The following RARB variants were observed in gnomAD, a reference collection of about 807,000 sequenced individuals.
RARB encodes the protein retinoic acid receptor beta, also known as HBV-activated protein.
Under a neutral mutation model 51.9 loss-of-function variants are expected in RARB, and 17 were observed. The ratio of observed to expected loss-of-function variants is 0.33; its 90% confidence interval spans 0.22 to 0.49. RARB has a LOEUF of 0.49. RARB is among the 20% of genes least tolerant of loss of function. The pLI is 0.99. For missense variants in RARB, 369 were observed against 550.8 expected, an observed-to-expected ratio of 0.67 and a Z score of 3.30; for synonymous variants, 215 against 195.4, an observed-to-expected ratio of 1.10 and a Z score of -0.84.
intron 5 of RARB, among the ~76,000 whole-genome samples, chr3:25,214,092 G>C (rs928213042): frequency 1.3e-5 from 2 of 152,208 alleles, no homozygotes; most frequent in Non-Finnish European, 2.9e-5. Context: ...AGTCAGCATA[G>C]ATAGATGGGA....
At chr3:25,057,004 C>G (rs1328904698) in intron 2 of RARB, among the ~76,000 whole-genome samples, 1 of 152,054 alleles carries the variant, frequency 6.6e-6, no homozygotes, top group African/African-American at 2.4e-5. Context: ...AGTTGTATTT[C>G]ATGGTGGCAC....
In RARB at chr3:25,298,046, A is replaced by G. The variant is rs184194494; in HGVS notation, c.178+123471A>G. On this transcript the variant is annotated intron_variant, in intron 5 of 11. Coordinates refer to the RARB transcript ENST00000383772. ...GGACTTTCTTTTGTAATATAGGACAAAAGACAGCTAAGCATGTGTTCTTTC... is the reference window on the plus strand; with the variant it reads ...GGACTTTCTTTTGTAATATAGGACAGAAGACAGCTAAGCATGTGTTCTTTC... Among the ~76,000 whole-genome samples the G allele has an allele frequency of 3.3e-5, 5 of 152,326 alleles. No homozygotes were observed. In the East Asian group the frequency reaches 9.6e-4, roughly 29 times the overall value.
At chr3:25,398,182 T>C (rs923176661) in intron 5 of RARB, among the ~76,000 whole-genome samples, 1 of 152,104 alleles carries the variant, frequency 6.6e-6, no homozygotes, top group African/African-American at 2.4e-5. Context: ...AAAAGAGATG[T>C]AAACAGACAC....
At chr3:25,591,355 C>T (rs1390215500) in intron 5 of RARB, among the ~76,000 whole-genome samples, 1 of 152,148 alleles carries the variant, frequency 6.6e-6, no homozygotes, top group African/African-American at 2.4e-5. Flanking sequence ...GGCAGGCCAA[C>T]GTGAATAGTT....
At chr3:25,567,376 A>G (rs1301121895) in intron 3 of RARB, among the ~76,000 whole-genome samples, 2 of 149,878 alleles carry the variant, frequency 1.3e-5, no homozygotes, top group African/African-American at 5.0e-5. Flanking sequence ...CCTGTTCTGG[A>G]CATCCATATA....
chr3:24,929,836 A>C (rs912232170), intron 2 of RARB, among the ~76,000 whole-genome samples: 2 of 152,092 alleles, frequency 1.3e-5, no homozygotes, highest in Non-Finnish European at 2.9e-5. Flanking sequence ...TGACTCCTTA[A>C]AAAAAATTCT....
intron 2 of RARB, among the ~76,000 whole-genome samples, chr3:24,870,476 T>C (rs1248887132): frequency 6.6e-6 from 1 of 152,158 alleles, no homozygotes; most frequent in Admixed American, 6.6e-5. Context: ...TATGTTTTAT[T>C]TTTTATAAAT....
Position 25,463,919 on chromosome 3 carries a change from G to A in RARB, c.306+2578G>A, listed in dbSNP as rs1321775318. ...GTCAGGAAAGTTATATGGGCAACCA[G>A]TTGGCAGCTGACTAAAAAGGAAGAC... On this transcript the variant is annotated intron_variant, in intron 2 of 7. Transcript: ENST00000330688. Among the ~76,000 whole-genome samples the A allele has an allele frequency of 2.6e-5, 4 of 152,122 alleles. No individual in the cohort carries two copies. The South Asian group carries it at 6.2e-4, about 24-fold the overall frequency.
chr3:25,470,250 C>T (rs774932189), intron 2 of RARB, among the ~76,000 whole-genome samples: 14 of 151,794 alleles, frequency 9.2e-5, no homozygotes, highest in South Asian at 4.2e-4. Flanking sequence ...TTTTTAAGTA[C>T]GTTTTAATGC....
At chr3:25,333,286 G>T (rs1704960282) in intron 5 of RARB, among the ~76,000 whole-genome samples, 1 of 152,104 alleles carries the variant, frequency 6.6e-6, no homozygotes, top group South Asian at 2.1e-4. Flanking sequence ...ATACTACAAG[G>T]CTACAGTAAC....
At chr3:24,851,109 T>C (rs532634193) in intron 1 of RARB, among the ~76,000 whole-genome samples, 2 of 152,134 alleles carry the variant, frequency 1.3e-5, no homozygotes, top group East Asian at 3.9e-4. Flanking sequence ...TGAAGACATA[T>C]TGGAGACAGG....
At chr3:25,519,049 G>C (rs1698293369) in intron 3 of RARB, among the ~76,000 whole-genome samples, 2 of 152,242 alleles carry the variant, frequency 1.3e-5, no homozygotes, top group South Asian at 4.1e-4. Context: ...ATGCTCTTTT[G>C]TGTCTAGCTT....
intron 2 of RARB, among the ~76,000 whole-genome samples, chr3:24,879,273 C>A (rs2125355306): frequency 6.6e-6 from 1 of 151,596 alleles, no homozygotes. Flanking sequence ...ACTAAAAATA[C>A]AAAAAATTAG....
At chr3:25,028,983 C>G (rs929108027) in intron 2 of RARB, among the ~76,000 whole-genome samples, 2 of 152,182 alleles carry the variant, frequency 1.3e-5, no homozygotes, top group Non-Finnish European at 2.9e-5. Flanking sequence ...CAAAGGGAGC[C>G]CAGGCGTGTT....
rs1275863596 is a variant in RARB, at chr3:25,410,941, T to C, written c.179-50252T>C. ...GTCAGCCTGTATTTGACATAAGAAG[T>C]CTAGGAAGTTAAAGCCTTACAGAAG... On this transcript the variant is annotated intron_variant, in intron 5 of 11. Coordinates refer to the RARB transcript ENST00000383772. Among the ~76,000 whole-genome samples the C allele has an allele frequency of 2.6e-5, 4 of 152,314 alleles. No individual in the cohort carries two copies. In the East Asian group the frequency reaches 7.7e-4, roughly 29 times the overall value.
chr3:25,117,488 G>A (rs1699707829), intron 3 of RARB, among the ~76,000 whole-genome samples: 1 of 152,224 alleles, frequency 6.6e-6, no homozygotes, highest in Non-Finnish European at 1.5e-5. Flanking sequence ...TGTAAGGCCT[G>A]TGAGGAAGGT....
intron 2 of RARB, among the ~76,000 whole-genome samples, chr3:24,951,178 A>T (rs1312622672): frequency 6.6e-6 from 1 of 152,174 alleles, no homozygotes; most frequent in Non-Finnish European, 1.5e-5. Context: ...CCACTCAAGG[A>T]GGGGTGGTTG....
chr3:24,831,477 A>G (rs1042307532), intron 1 of RARB, among the ~76,000 whole-genome samples: 7 of 152,214 alleles, frequency 4.6e-5, no homozygotes, highest in African/African-American at 9.6e-5. Flanking sequence ...ACACTAAACC[A>G]TGCTCAGAAC....
At chr3:24,860,995 T>C (rs1702739542) in intron 2 of RARB, among the ~76,000 whole-genome samples, 1 of 152,186 alleles carries the variant, frequency 6.6e-6, no homozygotes, top group South Asian at 2.1e-4. Context: ...AAATCACCTA[T>C]TGATGCATTT....
Sources: gnomAD v4.1 joint callset for allele counts (sites outside exome capture counted in the v4.1 genomes callset) on GRCh38, gnomAD v4.1.1 for gene constraint, MANE v1.5 for transcripts, NCBI Gene and HGNC (gene_info 2026-07-23, HGNC 2026-07-21) for gene names.